Variants in HMGCLL1 observed in about 807,000 individuals in gnomAD.
HMGCLL1 encodes the protein 3-hydroxymethyl-3-methylglutaryl-CoA lyase, cytoplasmic.
HMGCLL1 carries 36 observed loss-of-function variants against 39.1 expected under a neutral mutation model. That is an observed-to-expected ratio of 0.92 (90% CI 0.71 to 1.22). HMGCLL1 has a LOEUF of 1.22. HMGCLL1 is among the 50% of genes most tolerant of loss of function. The pLI, the probability that HMGCLL1 is intolerant of heterozygous loss-of-function variation, is 0.00. For synonymous variants in HMGCLL1, 149 were observed against 144.0 expected (o/e 1.03, Z -0.25); for missense variants, 451 against 416.5 (o/e 1.08, Z -0.72).
In HMGCLL1 at chr6:55,491,000, G is replaced by C. The variant is rs1464227895; in HGVS notation, c.795+4419C>G. 2.0e-5 allele frequency among the ~76,000 whole-genome samples: 3 copies of C among 152,022 alleles called. No individual in the cohort carries two copies. In the East Asian group the frequency reaches 5.8e-4, roughly 29 times the overall value. ...CAGACTTCTGTGGCTCAGGAGCCTTGGTTATACACACTTGAAAATCCAACA... is the reference window on the plus strand; with the variant it reads ...CAGACTTCTGTGGCTCAGGAGCCTTCGTTATACACACTTGAAAATCCAACA... On this transcript the variant is annotated intron_variant, in intron 7 of 8. Coordinates refer to ENST00000274901, the MANE Select transcript of HMGCLL1 (RefSeq NM_001042406.2).
the HMGCLL1 span, among the ~76,000 whole-genome samples, chr6:55,585,906 A>C: frequency 1.3e-5 from 2 of 152,160 alleles, no homozygotes; most frequent in African/African-American, 4.8e-5. Context: ...TAAGAAAAAT[A>C]ACTAAAATAA....
At chr6:55,502,543 T>C (rs1766942951) in intron 5 of HMGCLL1, among the ~76,000 whole-genome samples, 1 of 151,766 alleles carries the variant, frequency 6.6e-6, no homozygotes, top group Admixed American at 6.6e-5. Context: ...CTTACAGTTT[T>C]CTCAAATCTT....
chr6:55,623,098 A>G, the HMGCLL1 span, among the ~76,000 whole-genome samples: 17 of 151,960 alleles, frequency 1.1e-4, no homozygotes, highest in South Asian at 3.1e-3. Context: ...ATCAGTTATA[A>G]TATATCCTTT....
At chr6:55,463,447 A>G (rs1764671892) in intron 7 of HMGCLL1, among the ~76,000 whole-genome samples, 1 of 152,192 alleles carries the variant, frequency 6.6e-6, no homozygotes, top group African/African-American at 2.4e-5. Context: ...TCATGATTTA[A>G]GTTATTTACT....
chr6:55,595,344 T>C, the HMGCLL1 span, among the ~76,000 whole-genome samples: 22 of 152,230 alleles, frequency 1.4e-4, no homozygotes, highest in African/African-American at 4.6e-4. Context: ...CAAGAGTTTT[T>C]GTTCTCATAT....
the HMGCLL1 span, among the ~76,000 whole-genome samples, chr6:55,590,090 GC>G: frequency 1.3e-5 from 2 of 152,054 alleles, no homozygotes; most frequent in Non-Finnish European, 2.9e-5. Flanking sequence ...AACCCGCATT[GC>G]CAAGTCAATC....
At chr6:55,617,300 A>T in the HMGCLL1 span, among the ~76,000 whole-genome samples, 1 of 152,058 alleles carries the variant, frequency 6.6e-6, no homozygotes, top group Non-Finnish European at 1.5e-5. Context: ...GATTCTCCAC[A>T]CCCACCAGCT....
the HMGCLL1 span, among the ~76,000 whole-genome samples, chr6:55,615,710 A>G: frequency 6.6e-6 from 1 of 152,164 alleles, no homozygotes. Flanking sequence ...TTCATTGTTA[A>G]CTACAGCTAC....
At chr6:55,653,526 C>T in the HMGCLL1 span, among the ~76,000 whole-genome samples, 1 of 16,426 alleles carries the variant, frequency 6.1e-5, no homozygotes, top group African/African-American at 1.9e-4. Context: ...GAATTTATAT[C>T]ATAAACCAGG....
At chr6:55,628,690 T>G in the HMGCLL1 span, among the ~76,000 whole-genome samples, 1,247 of 152,128 alleles carry the variant, frequency 8.2e-3, 19 homozygotes, top group African/African-American at 0.027. Context: ...CATCTTGAAT[T>G]CCCACGTGTT....
the HMGCLL1 span, among the ~76,000 whole-genome samples, chr6:55,657,407 A>G: frequency 6.6e-6 from 1 of 152,002 alleles, no homozygotes; most frequent in Non-Finnish European, 1.5e-5. Flanking sequence ...AATCTTCCAC[A>G]TATGGCTAGC....
At position 55,548,967 on chromosome 6, in the gene HMGCLL1, T is replaced by C. The variant is rs182061869; in HGVS notation, c.109-6827A>G. ...TAAAATAATTCAAAACAGAAAAACT[T>C]CTATGAATTGATAGAGCACAAGATG... On this transcript the variant is annotated intron_variant, in intron 1 of 8. Transcript: ENST00000274901. Among the ~76,000 whole-genome samples, 784 of 151,762 alleles carry C rather than the reference T, an allele frequency of 5.2e-3. 16 individuals are homozygous for C. The highest frequency in any genetic ancestry group is 1.4e-3 in the Non-Finnish European group (93 of 67,902).
chr6:55,588,246 A>T, the HMGCLL1 span, among the ~76,000 whole-genome samples: 1 of 152,198 alleles, frequency 6.6e-6, no homozygotes, highest in Non-Finnish European at 1.5e-5. Flanking sequence ...CAGGATGAAG[A>T]AACTCACTCA....
the HMGCLL1 span, among the ~76,000 whole-genome samples, chr6:55,606,769 T>G: frequency 6.6e-6 from 1 of 152,090 alleles, no homozygotes; most frequent in South Asian, 2.1e-4. Flanking sequence ...TTTACGCATG[T>G]GATTAAGATA....
At chr6:55,461,621 A>G (rs1764570915) in intron 7 of HMGCLL1, among the ~76,000 whole-genome samples, 1 of 152,132 alleles carries the variant, frequency 6.6e-6, no homozygotes, top group South Asian at 2.1e-4. Context: ...TTGGTATTTC[A>G]TTTTAAATTA....
At chr6:55,619,827 C>A in the HMGCLL1 span, among the ~76,000 whole-genome samples, 3 of 152,010 alleles carry the variant, frequency 2.0e-5, no homozygotes, top group Non-Finnish European at 4.4e-5. Flanking sequence ...ACACATTAAC[C>A]ATGCCCACAC....
intron 1 of HMGCLL1, among the ~76,000 whole-genome samples, chr6:55,574,357 G>T (rs1448190424): frequency 1.3e-5 from 2 of 151,720 alleles, no homozygotes; most frequent in East Asian, 3.8e-4. Flanking sequence ...ACACCATATA[G>T]ATAATAAGTA....
upstream of HMGCLL1, among the ~76,000 whole-genome samples, chr6:55,580,462 C>T (rs1176275152): frequency 1.7e-5 from 2 of 117,168 alleles, no homozygotes; most frequent in Non-Finnish European, 3.2e-5. Flanking sequence ...GTCGCCCAGG[C>T]TGGAGTGCAG....
At chr6:55,565,153 T>TG (rs757140166) in intron 1 of HMGCLL1, among the ~76,000 whole-genome samples, 24 of 152,082 alleles carry the variant, frequency 1.6e-4, no homozygotes, top group Admixed American at 9.8e-4. Flanking sequence ...CATTATGCAG[T>TG]GAAAAACATT....
Sources: gnomAD v4.1 joint callset for allele counts (sites outside exome capture counted in the v4.1 genomes callset) on GRCh38, gnomAD v4.1.1 for gene constraint, MANE v1.5 for transcripts, NCBI Gene and HGNC (gene_info 2026-07-23, HGNC 2026-07-21) for gene names.